PTPRF: variants seen among roughly 807,000 people sequenced by gnomAD.
PTPRF encodes the protein protein tyrosine phosphatase receptor type F, also known as receptor-type tyrosine-protein phosphatase F.
PTPRF carries 59 observed loss-of-function variants against 201.8 expected under a neutral mutation model. The observed-to-expected ratio is 0.29, with a 90% CI of 0.24 to 0.36. The LOEUF is 0.36. Among genes scored for constraint, PTPRF ranks in the 10% least tolerant of loss-of-function variants. The pLI is 1.00. For missense variants in PTPRF, 2,132 were observed against 2,690.5 expected (o/e 0.79, Z 4.59); for synonymous variants, 1,088 against 1,089.7 (o/e 1.00, Z 0.03).
rs192609056 is a variant in PTPRF at position 43,534,021 on chromosome 1, C to T, written c.-126+2931C>T. 1.7e-3 allele frequency among the ~76,000 whole-genome samples: 259 copies of T among 152,078 alleles called. 3 individuals are homozygous for T. The highest frequency in any genetic ancestry group is 5.8e-3 in the African/African-American group (242 of 41,470). On this transcript the variant is annotated intron_variant, in intron 1 of 33. Coordinates refer to ENST00000359947, the MANE Select transcript of PTPRF (RefSeq NM_002840.5). Reference sequence around the variant, plus strand: ...AACATTGCAAGAGTTCATCAAGAGACGGGGGAGAGTTCGGAGGTCAGGGTG... The same window carrying T: ...AACATTGCAAGAGTTCATCAAGAGATGGGGGAGAGTTCGGAGGTCAGGGTG...
At chr1:43,565,714 G>T (rs1487892082) in intron 5 of PTPRF, among the ~76,000 whole-genome samples, 1 of 151,980 alleles carries the variant, frequency 6.6e-6, no homozygotes, top group Admixed American at 6.5e-5. Context: ...GGAGGGCCGC[G>T]TCGGTGAAGC....
intron 5 of PTPRF, among the ~76,000 whole-genome samples, chr1:43,555,777 G>C (rs1271962498): frequency 6.6e-6 from 1 of 152,148 alleles, no homozygotes; most frequent in Non-Finnish European, 1.5e-5. Context: ...TGGGTAAGCT[G>C]TCACATGCAA....
chr1:43,526,441 T>A (rs74071930), upstream of PTPRF, among the ~76,000 whole-genome samples: 3,350 of 144,112 alleles, frequency 0.023, 127 homozygotes, highest in African/African-American at 0.078. Context: ...CAAAAAAAAT[T>A]TTTTTTTTTT....
intron 7 of PTPRF, chr1:43,583,153 A>G: frequency 3.1e-6 from 3 of 956,868 alleles, no homozygotes; most frequent in Non-Finnish European, 3.7e-6. Context: ...CACGCCTGTC[A>G]GTAGGGCCCA....
At chr1:43,606,720 C>T in intron 20 of PTPRF, 94 bp from the exon 21 acceptor site, 1 of 1,518,538 alleles carries the variant, frequency 6.6e-7, no homozygotes, top group South Asian at 1.2e-5. Flanking sequence ...CCCAGGGTAA[C>T]CCAGACCCAG....
chr1:43,528,666 CTGAT>C (rs1438116555), upstream of PTPRF: 1 of 152,168 alleles, frequency 6.6e-6, no homozygotes, highest in African/African-American at 2.4e-5. Context: ...GGACTGATGA[CTGAT>C]TGGACAGTGG....
chr1:43,592,014 C>T, intron 10 of PTPRF, 66 bp downstream of exon 10: 2 of 1,591,034 alleles, frequency 1.3e-6, no homozygotes, highest in South Asian at 2.2e-5. Flanking sequence ...ATGGGCTTAA[C>T]CCAGGAGGGT....
At position 43,553,517 on chromosome 1, in the gene PTPRF, T is replaced by C. The variant is rs2153972452; in HGVS notation, c.117T>C (p.Pro39=). The change falls in exon 4 of 34, where the codon CCT becomes CCC. Residue 39 remains proline, a synonymous_variant. Transcript: ENST00000359947. The surrounding 1 kb of genome is among the most constrained non-coding windows in gnomAD (Gnocchi z 4.1). ...GDSKPVFIKV[P]EDQTGLSGGV... ...GCAAACCTGTCTTCATTAAAGTCCC[T>C]GAGGACCAGACTGGGCTGTCAGGAG... The C allele has an allele frequency of 6.2e-7, 1 of 1,614,124 alleles. No individual in the cohort carries two copies. The highest frequency in any genetic ancestry group is 8.5e-7 in the Non-Finnish European group (1 of 1,179,960).
Position 43,604,119 on chromosome 1 carries a change from C to G in PTPRF, c.2967C>G (p.Arg989=), listed in dbSNP as rs200607642. ...KPDTTYDIKV[R]AWTSKGSGPL... is the part of the protein sequence containing the mutation. ...ACACCACTTACGACATCAAGGTCCG[C>G]GCATGGACCAGCAAAGGCTCTGGCC... The change falls in exon 16 of 34, where the codon CGC becomes CGG. Residue 989 remains arginine (R), a synonymous_variant. Coordinates refer to ENST00000359947, the MANE Select transcript of PTPRF (RefSeq NM_002840.5). 1.2e-6 allele frequency: 2 copies of G among 1,614,088 alleles called. No homozygotes were observed. Among genetic ancestry groups the G allele is most frequent in the African/African-American group, 2.7e-5 (2 of 74,946 alleles).
intron 5 of PTPRF, among the ~76,000 whole-genome samples, chr1:43,558,776 C>T (rs907412994): frequency 2.6e-5 from 4 of 152,088 alleles, no homozygotes; most frequent in African/African-American, 9.7e-5. Flanking sequence ...GGGAGGGAGG[C>T]AGGCCTGGAT....
chr1:43,567,631 ATAGG>A (rs1157300992), intron 5 of PTPRF, among the ~76,000 whole-genome samples: 1 of 152,118 alleles, frequency 6.6e-6, no homozygotes, highest in Non-Finnish European at 1.5e-5. Flanking sequence ...CAGCAGATAG[ATAGG>A]TATCTTGCTC....
chr1:43,549,431 G>A (rs1417945317), intron 3 of PTPRF, among the ~76,000 whole-genome samples: 3 of 152,160 alleles, frequency 2.0e-5, no homozygotes, highest in Admixed American at 6.5e-5. Flanking sequence ...GGGCTGGGCT[G>A]GGCACACTCA....
intron 6 of PTPRF, among the ~76,000 whole-genome samples, chr1:43,574,010 T>G (rs1448529640): frequency 1.0e-5 from 1 of 96,932 alleles, no homozygotes; most frequent in East Asian, 3.5e-4. Flanking sequence ...TTTTTTTTTT[T>G]TTTGAGACAG....
intron 7 of PTPRF, among the ~76,000 whole-genome samples, chr1:43,584,436 C>T (rs564763420): frequency 4.6e-5 from 7 of 152,302 alleles, no homozygotes; most frequent in African/African-American, 1.2e-4. Flanking sequence ...TTTTGCTGAC[C>T]GGGCAGATCT....
At position 43,546,710 on chromosome 1, in the gene PTPRF, C is replaced by T. The variant is rs1186835681; in HGVS notation, c.91+1544C>T. 6.6e-6 allele frequency among the ~76,000 whole-genome samples: 1 copy of T among 152,076 alleles called. No homozygotes were observed. The highest frequency in any genetic ancestry group is 1.5e-5 in the Non-Finnish European group (1 of 67,996). On this transcript the variant is annotated intron_variant, in intron 3 of 33. Transcript: ENST00000359947. The surrounding 1 kb of genome is among the most constrained non-coding windows in gnomAD (Gnocchi z 4.2). ...TCCTCCTGCCTCAGACCCAACGCGC[C>T]CCAACCTGTACCCCTCACTCTCATC...
At chr1:43,536,542 C>T (rs1032463591) in intron 1 of PTPRF, among the ~76,000 whole-genome samples, 1 of 152,220 alleles carries the variant, frequency 6.6e-6, no homozygotes, top group African/African-American at 2.4e-5. Context: ...GGGCCTTTCC[C>T]ATTACCCAGT....
rs1168007555 is a variant in PTPRF, at chr1:43,591,040, G to A, written c.1018G>A (p.Asp340Asn). ...TGCCACCAGTGTCACCCTCACCTGGGACTCTGGGAACTCGGAGCCTGTAAC... is the reference window on the plus strand; with the variant it reads ...TGCCACCAGTGTCACCCTCACCTGGAACTCTGGGAACTCGGAGCCTGTAAC... ...TTATSVTLTW[D>N]SGNSEPVTYY... Residue 340 changes from aspartate to asparagine, a missense_variant, in exon 9 of 34, where the codon GAC becomes AAC. Physicochemically the swap from Asp to Asn is conservative, Grantham distance 23. Transcript: ENST00000359947. 1.9e-6 allele frequency: 3 copies of A among 1,614,062 alleles called. No individual in the cohort carries two copies. The highest frequency in any genetic ancestry group is 2.5e-6 in the Non-Finnish European group (3 of 1,180,026).
rs180694787 is a variant in PTPRF, at chr1:43,589,104, G to T, written c.949+104G>T. The T allele has an allele frequency of 1.1e-3, 1,502 of 1,361,802 alleles. 30 individuals are homozygous for T. The African/African-American group carries it at 0.021, about 19-fold the overall frequency. 84.4% of individuals were successfully genotyped at this position (1,361,802 alleles called of 1,614,324 possible). On this transcript the variant is annotated intron_variant, in intron 8 of 33. Coordinates refer to ENST00000359947, the MANE Select transcript of PTPRF (RefSeq NM_002840.5). ...GCCATGGGCACAGGCATGGCTGAGG[G>T]ATTCTTGCCCTTTCCTGGGTGTCCC...
At chr1:43,586,729 C>G (rs1402405837) in intron 7 of PTPRF, among the ~76,000 whole-genome samples, 2 of 152,210 alleles carry the variant, frequency 1.3e-5, no homozygotes, top group African/African-American at 4.8e-5. Context: ...TGTTTCTGAG[C>G]TCTCCTCTCC....
Sources: allele counts gnomAD v4.1 joint callset (sites outside exome capture counted in the v4.1 genomes callset), GRCh38; gene constraint gnomAD v4.1.1; non-coding constraint Gnocchi (gnomAD v3.1); transcripts MANE v1.5; gene names NCBI Gene and HGNC (gene_info 2026-07-23, HGNC 2026-07-21).